The following CREB3L3 variants were observed in gnomAD, a reference collection of about 807,000 sequenced individuals.
The protein encoded by CREB3L3 is cAMP responsive element binding protein 3 like 3.
A neutral mutation model predicts 44.6 loss-of-function variants in CREB3L3; 40 were observed. The observed-to-expected ratio is 0.90, with a 90% CI of 0.70 to 1.17. The LOEUF (loss-of-function observed/expected upper bound fraction) is 1.17, where lower values mean the gene tolerates loss of function less well. CREB3L3 is among the 50% of genes most tolerant of loss of function. CREB3L3 has a pLI of 0.00. For synonymous variants in CREB3L3, 273 were observed against 256.3 expected (o/e 1.06, Z -0.62); for missense variants, 578 against 595.8 (o/e 0.97, Z 0.31).
chr19:4,156,870 C>G (rs199638361), intron 2 of CREB3L3, 125 bp from the exon 3 acceptor site: 1 of 389,734 alleles, frequency 2.6e-6, no homozygotes, highest in Admixed American at 1.0e-4. Context: ...GAAGCAGTAA[C>G]TCATCTTGGA....
intron 6 of CREB3L3, 146 bp downstream of exon 6, chr19:4,168,603 T>G: frequency 1.5e-6 from 1 of 688,036 alleles, no homozygotes; most frequent in Non-Finnish European, 2.6e-6. Flanking sequence ...TCTTACTGAT[T>G]GCAGGGATGG....
At chr19:4,159,642 C>A in intron 3 of CREB3L3, 22 bp from the exon 4 acceptor site, 1 of 1,130,866 alleles carries the variant, frequency 8.8e-7, no homozygotes, top group Non-Finnish European at 1.4e-6. Flanking sequence ...TCCCTGTCTC[C>A]GTCCCCACCT....
In CREB3L3 at chr19:4,172,454, C is replaced by T. The variant is rs1334710504; in HGVS notation, c.*485C>T. On this transcript the variant is annotated 3_prime_UTR_variant, in exon 10 of 10. Transcript: ENST00000078445. ...AAACAGACCCAGACAGACAGACAGA[C>T]ACAGCCTGAAACAGACCCGGACAGA... The T allele has an allele frequency of 3.3e-6, 1 of 305,874 alleles. No individual in the cohort carries two copies. The highest frequency in any genetic ancestry group is 4.9e-5 in the Admixed American group (1 of 20,274). 18.9% of individuals were successfully genotyped at this position (305,874 alleles called of 1,614,324 possible).
chr19:4,154,521 C>T (rs1484185208), intron 1 of CREB3L3, among the ~76,000 whole-genome samples: 2 of 152,054 alleles, frequency 1.3e-5, no homozygotes, highest in African/African-American at 2.4e-5. Context: ...AAGTGTGTGC[C>T]ACCGCAGCCA....
Position 4,171,137 on chromosome 19 carries a change from T to G in CREB3L3, c.937T>G (p.Ser313Ala). The change falls in exon 8 of 10, where the codon TCC (serine) becomes GCC (alanine). Residue 313 changes from serine (S) to alanine (A), a missense_variant. Transcript: ENST00000078445. This position sits in a 1 kb window ranked among gnomAD's most constrained non-coding sequence, Gnocchi z 4.9. ...GAAACTCCAGGCCATTGTGGTGCAG[T>G]CCACCAGCAAGTCAGCCCAGACAGG... ...LKKLQAIVVQSTSKSAQTGTC... is the reference protein window; with the variant it reads ...LKKLQAIVVQATSKSAQTGTC... 2 of 1,614,022 alleles carry G rather than the reference T, an allele frequency of 1.2e-6. No individual in the cohort carries two copies. The highest frequency in any genetic ancestry group is 8.5e-7 in the Non-Finnish European group (1 of 1,179,992).
At chr19:4,168,996 A>G (rs760989198) in intron 6 of CREB3L3, among the ~76,000 whole-genome samples, 12 of 151,800 alleles carry the variant, frequency 7.9e-5, no homozygotes, top group Non-Finnish European at 1.3e-4. Flanking sequence ...CAGCCTCCCA[A>G]AGTGCTGGGA....
intron 4 of CREB3L3, among the ~76,000 whole-genome samples, chr19:4,161,550 A>G (rs989213795): frequency 1.3e-5 from 2 of 152,188 alleles, no homozygotes; most frequent in African/African-American, 4.8e-5. Context: ...TTGCACACCA[A>G]TTGAAGGCCA....
chr19:4,169,189 G>A (rs2145140943), intron 6 of CREB3L3, among the ~76,000 whole-genome samples: 1 of 152,068 alleles, frequency 6.6e-6, no homozygotes, highest in Middle Eastern at 3.4e-3. Flanking sequence ...TGGGGAGAGG[G>A]AGAGATGAAA....
chr19:4,154,888 T>C lies in CREB3L3; in HGVS notation c.28-11T>C. 1 of 1,613,854 alleles carries C rather than the reference T, an allele frequency of 6.2e-7. No homozygotes were observed. The highest frequency in any genetic ancestry group is 8.5e-7 in the Non-Finnish European group (1 of 1,180,002). On this transcript the variant is annotated splice_polypyrimidine_tract_variant and intron_variant, in intron 1 of 9. Transcript: ENST00000078445. ...TGTATGTGACCCTCACATCTGTTCC[T>C]CGCGCCCCAGATGGCTTCTGCTGCC... is the stretch of plus-strand genomic sequence containing the variant.
In CREB3L3 at chr19:4,172,107, A is replaced by C. The variant is rs1357018133; in HGVS notation, c.*138A>C. The C allele has an allele frequency of 1.3e-5, 12 of 930,408 alleles. No homozygotes were observed. The East Asian group carries it at 2.4e-4, about 18-fold the overall frequency. 57.6% of individuals were successfully genotyped at this position (930,408 alleles called of 1,614,324 possible). A position where few individuals can be genotyped will look rare whatever the true frequency, so the allele number is the denominator to read the frequency against. On this transcript the variant is annotated 3_prime_UTR_variant, in exon 10 of 10. Coordinates refer to ENST00000078445, the MANE Select transcript of CREB3L3 (RefSeq NM_032607.3). The stretch of plus-strand genomic sequence containing the variant: ...TGCCAGAATGGGGGAGGCACAGCTC[A>C]TAGCCACACACCCAGGGCCTGACTG...
In CREB3L3 at chr19:4,164,485, CTCTGATTTTT is replaced by C; in HGVS notation, c.577-15_577-6del. ...GGCGTCCCTGCACCCGCCGTCATTC[CTCTGATTTTT>C]TCCGTAGCAACAGCATCACCTGGGG... On this transcript the variant is annotated splice_polypyrimidine_tract_variant and splice_region_variant and intron_variant, in intron 4 of 9. Coordinates refer to ENST00000078445, the MANE Select transcript of CREB3L3 (RefSeq NM_032607.3). 1 of 1,613,846 alleles carries C rather than the reference CTCTGATTTTT, an allele frequency of 6.2e-7. No individual in the cohort carries two copies. The highest frequency in any genetic ancestry group is 8.5e-7 in the Non-Finnish European group (1 of 1,179,968).
At chr19:4,159,001 GAT>G (rs2041625411) in intron 3 of CREB3L3, among the ~76,000 whole-genome samples, 1 of 152,142 alleles carries the variant, frequency 6.6e-6, no homozygotes, top group African/African-American at 2.4e-5. Flanking sequence ...CCTTGGGTGA[GAT>G]AACGCCTGGC....
At chr19:4,162,674 AT>A (rs1883227965) in intron 4 of CREB3L3, among the ~76,000 whole-genome samples, 1 of 151,974 alleles carries the variant, frequency 6.6e-6, no homozygotes, top group East Asian at 1.9e-4. Context: ...ACACAGTGAC[AT>A]CTTGCATCTT....
At position 4,169,116 on chromosome 19, in the gene CREB3L3, G is replaced by A. The variant is rs375408158; in HGVS notation, c.821+659G>A. ...TTCCCCCCACCACCCTATGTCCTGG[G>A]TAATTGTATCCCATTTTACAGACAC... On this transcript the variant is annotated intron_variant, in intron 6 of 9. Coordinates refer to ENST00000078445, the MANE Select transcript of CREB3L3 (RefSeq NM_032607.3). Among the ~76,000 whole-genome samples the A allele has an allele frequency of 7.9e-5, 12 of 152,152 alleles. No homozygotes were observed. In the East Asian group the frequency reaches 1.7e-3, roughly 22 times the overall value.
intron 6 of CREB3L3, among the ~76,000 whole-genome samples, chr19:4,169,428 C>T (rs566993979): frequency 4.5e-4 from 68 of 151,906 alleles, no homozygotes; most frequent in African/African-American, 1.6e-3. Flanking sequence ...TGCAGTGAGT[C>T]GAGATTGTGC....
Position 4,172,851 on chromosome 19 carries a change from GCACA to G in CREB3L3, c.*889_*892del, listed in dbSNP as rs908823469. Reference sequence around the variant, plus strand: ...AACAGACCTGAACAGACAGACAGACGCACACACACAACAGATGCGCAGCAACTCC... The same window carrying G: ...AACAGACCTGAACAGACAGACAGACGCACACAACAGATGCGCAGCAACTCC... On this transcript the variant is annotated 3_prime_UTR_variant, in exon 10 of 10. Coordinates refer to ENST00000078445, the MANE Select transcript of CREB3L3 (RefSeq NM_032607.3). 1 of 156,482 alleles carries G rather than the reference GCACA, an allele frequency of 6.4e-6. No homozygotes were observed. The highest frequency in any genetic ancestry group is 1.9e-4 in the East Asian group (1 of 5,230). The allele number at this position is 156,482 out of a possible 1,614,324, so 9.7% of individuals were successfully genotyped here.
At chr19:4,161,197 C>G (rs1211605693) in intron 4 of CREB3L3, among the ~76,000 whole-genome samples, 2 of 152,090 alleles carry the variant, frequency 1.3e-5, no homozygotes, top group African/African-American at 4.8e-5. Flanking sequence ...CTCCTGACCT[C>G]GTGATCTGCC....
At chr19:4,164,462 C>A in intron 4 of CREB3L3, 41 bp from the exon 5 acceptor site, 1 of 1,612,268 alleles carries the variant, frequency 6.2e-7, no homozygotes, top group Non-Finnish European at 8.5e-7. Context: ...AGGCAGTTGG[C>A]GTCCCTGCAC....
Position 4,172,193 on chromosome 19 carries a change from TACAC to T in CREB3L3, c.*228_*231del, listed in dbSNP as rs959676078. 2 of 602,950 alleles carry T rather than the reference TACAC, an allele frequency of 3.3e-6. No homozygotes were observed. The highest frequency in any genetic ancestry group is 5.8e-6 in the Non-Finnish European group (2 of 341,906). 37.3% of individuals were successfully genotyped at this position (602,950 alleles called of 1,614,324 possible). On this transcript the variant is annotated 3_prime_UTR_variant, in exon 10 of 10. Transcript: ENST00000078445. ...AAAGAGGGCCACAGGACCCGGGAAA[TACAC>T]ACAGAGCCAGGAGCAGAAGCAAAGA... is the stretch of plus-strand genomic sequence containing the variant.
Sources: allele counts gnomAD v4.1 joint callset (sites outside exome capture counted in the v4.1 genomes callset), GRCh38; gene constraint gnomAD v4.1.1; non-coding constraint Gnocchi (gnomAD v3.1); transcripts MANE v1.5; gene names NCBI Gene and HGNC (gene_info 2026-07-23, HGNC 2026-07-21).